The following SENP7 variants were observed in gnomAD, a reference collection of about 807,000 sequenced individuals.
SENP7 encodes SUMO specific peptidase 7.
In SENP7, 64 loss-of-function variants were observed where a neutral mutation model predicts 141.2. The ratio of observed to expected loss-of-function variants is 0.45; its 90% confidence interval spans 0.37 to 0.56. SENP7 has a LOEUF of 0.56. SENP7 is among the 20% of genes least tolerant of loss of function. The pLI is 0.00. For missense variants in SENP7, 1,025 were observed against 1,212.2 expected (o/e 0.85, Z 2.29); for synonymous variants, 382 against 426.4 (o/e 0.90, Z 1.28).
intron 5 of SENP7, among the ~76,000 whole-genome samples, chr3:101,412,112 C>T (rs1487963259): frequency 2.0e-5 from 3 of 152,078 alleles, no homozygotes; most frequent in East Asian, 1.9e-4. Context: ...CATACAACTT[C>T]ATATATAGAG....
chr3:101,435,021 A>G (rs1442453912), intron 4 of SENP7, among the ~76,000 whole-genome samples: 4 of 152,274 alleles, frequency 2.6e-5, no homozygotes, highest in Admixed American at 2.6e-4. Context: ...AAAATCCTCA[A>G]CAAAATACTA....
At chr3:101,492,643 A>G (rs3846087) in intron 3 of SENP7, among the ~76,000 whole-genome samples, 60,308 of 151,938 alleles carry the variant, frequency 0.4, 12,488 homozygotes, top group Admixed American at 0.54. Context: ...AGAAAAAGCC[A>G]TCTGCAATCC....
At chr3:101,504,440 C>T (rs962471616) in intron 1 of SENP7, among the ~76,000 whole-genome samples, 14 of 149,526 alleles carry the variant, frequency 9.4e-5, no homozygotes, top group Admixed American at 9.3e-4. Context: ...TCCTAGGCAA[C>T]GAGGGCAAAA....
At chr3:101,353,237 C>T (rs1309098908) in intron 11 of SENP7, among the ~76,000 whole-genome samples, 6 of 151,862 alleles carry the variant, frequency 4.0e-5, no homozygotes, top group South Asian at 2.1e-4. Flanking sequence ...TCTTGGCAAA[C>T]GTAAATCATT....
intron 2 of SENP7, among the ~76,000 whole-genome samples, chr3:101,499,138 C>T (rs569749895): frequency 1.8e-4 from 28 of 152,156 alleles, no homozygotes; most frequent in Admixed American, 9.8e-4. Context: ...GTCTCAACTT[C>T]CTTGTAAACA....
intron 4 of SENP7, among the ~76,000 whole-genome samples, chr3:101,422,729 A>G (rs1022875664): frequency 6.6e-6 from 1 of 152,154 alleles, no homozygotes; most frequent in Non-Finnish European, 1.5e-5. Flanking sequence ...AAAAAATCGC[A>G]TTCCTAAAAA....
intron 4 of SENP7, among the ~76,000 whole-genome samples, chr3:101,433,610 G>C (rs935646764): frequency 6.6e-6 from 1 of 152,028 alleles, no homozygotes; most frequent in African/African-American, 2.4e-5. Context: ...AAAAAGAACA[G>C]GAGTCACTAT....
intron 17 of SENP7, among the ~76,000 whole-genome samples, chr3:101,336,133 C>T (rs899605558): frequency 1.3e-5 from 2 of 152,146 alleles, no homozygotes; most frequent in African/African-American, 4.8e-5. Context: ...AAAGCTATAT[C>T]CAACTTTGAA....
intron 7 of SENP7, among the ~76,000 whole-genome samples, chr3:101,369,056 C>A (rs764758133): frequency 1.1e-4 from 17 of 152,272 alleles, no homozygotes; most frequent in Admixed American, 6.5e-4. Context: ...AGAAGTACTT[C>A]CTTTTTTAAG....
At chr3:101,385,755 A>C (rs967594888) in intron 6 of SENP7, among the ~76,000 whole-genome samples, 2 of 152,018 alleles carry the variant, frequency 1.3e-5, no homozygotes, top group African/African-American at 2.4e-5. Flanking sequence ...AACTCTGTCT[A>C]CCAAGGATCA....
At chr3:101,484,984 G>T (rs1299979345) in intron 3 of SENP7, among the ~76,000 whole-genome samples, 2 of 152,078 alleles carry the variant, frequency 1.3e-5, no homozygotes, top group East Asian at 3.9e-4. Flanking sequence ...GTGACTGTCA[G>T]CTTTCCCCCA....
chr3:101,328,802 T>TA, intron 20 of SENP7, 113 bp from the exon 21 acceptor site: 1 of 753,732 alleles, frequency 1.3e-6, no homozygotes, highest in Non-Finnish European at 2.2e-6. Flanking sequence ...AAGTAATAGT[T>TA]ATCTTCATCA....
chr3:101,483,078 C>G (rs1030111225), intron 3 of SENP7, among the ~76,000 whole-genome samples: 2 of 152,184 alleles, frequency 1.3e-5, no homozygotes, highest in African/African-American at 4.8e-5. Context: ...TTTGAACCAG[C>G]AATCCCATTA....
intron 3 of SENP7, among the ~76,000 whole-genome samples, chr3:101,463,400 T>TATATATATATATATATATATAC (rs769567759): frequency 1.3e-5 from 1 of 77,988 alleles, no homozygotes; most frequent in African/African-American, 5.2e-5. Context: ...TATATATACA[T>TATATATATATATATATATATAC]ATATATATAT....
chr3:101,512,638 G>C (rs2065907428), intron 1 of SENP7, among the ~76,000 whole-genome samples: 1 of 152,164 alleles, frequency 6.6e-6, no homozygotes, highest in Non-Finnish European at 1.5e-5. Context: ...TTCCTCCCCA[G>C]CAGCAGCTAC....
At chr3:101,449,416 G>C (rs939497999) in intron 4 of SENP7, among the ~76,000 whole-genome samples, 1 of 152,098 alleles carries the variant, frequency 6.6e-6, no homozygotes, top group African/African-American at 2.4e-5. Flanking sequence ...AGACATAATT[G>C]TAAGATTCAC....
intron 4 of SENP7, among the ~76,000 whole-genome samples, chr3:101,426,892 C>T (rs1404796075): frequency 6.6e-6 from 1 of 152,098 alleles, no homozygotes; most frequent in Non-Finnish European, 1.5e-5. Context: ...ACAATGTTAC[C>T]AGCCACTACA....
At chr3:101,481,693 A>G (rs1559891499) in intron 3 of SENP7, among the ~76,000 whole-genome samples, 1 of 152,358 alleles carries the variant, frequency 6.6e-6, no homozygotes, top group East Asian at 1.9e-4. Context: ...GATGATGGAT[A>G]TCCTCAACAC....
chr3:101,474,910 T>G (rs1315714798), intron 3 of SENP7, among the ~76,000 whole-genome samples: 1 of 152,106 alleles, frequency 6.6e-6, no homozygotes, highest in Admixed American at 6.6e-5. Context: ...AACTCCACAA[T>G]TAGAAGATTT....
Sources: allele counts gnomAD v4.1 joint callset (sites outside exome capture counted in the v4.1 genomes callset), GRCh38; gene constraint gnomAD v4.1.1; transcripts MANE v1.5; gene names NCBI Gene and HGNC (gene_info 2026-07-23, HGNC 2026-07-21).